HDAC9: variants seen among roughly 807,000 people sequenced by gnomAD.
HDAC9 encodes the protein MEF-2 interacting transcription repressor (MITR) protein.
Under a neutral mutation model 139.4 loss-of-function variants are expected in HDAC9, and 41 were observed. The observed-to-expected ratio is 0.29, with a 90% CI of 0.23 to 0.38. The LOEUF (loss-of-function observed/expected upper bound fraction) is 0.38, where lower values mean the gene tolerates loss of function less well. Among genes scored for constraint, HDAC9 ranks in the 10% least tolerant of loss-of-function variants. The pLI, the probability that HDAC9 is intolerant of heterozygous loss-of-function variation, is 1.00. For synonymous variants in HDAC9, 517 were observed against 476.2 expected, an observed-to-expected ratio of 1.09 and a Z score of -1.12; for missense variants, 1,147 against 1,297.0, an observed-to-expected ratio of 0.88 and a Z score of 1.78.
chr7:18,738,111 G>T (rs1787097718), intron 13 of HDAC9, among the ~76,000 whole-genome samples: 3 of 151,990 alleles, frequency 2.0e-5, no homozygotes, highest in Admixed American at 2.0e-4. Flanking sequence ...CCATTTGCTT[G>T]GTAGATCTTC....
chr7:18,570,240 A>G (rs1254833473), intron 2 of HDAC9, among the ~76,000 whole-genome samples: 2 of 152,180 alleles, frequency 1.3e-5, no homozygotes, highest in African/African-American at 4.8e-5. Flanking sequence ...TTGTATAGCT[A>G]AAAGAAAAGG....
At chr7:18,994,580 AAATAATGAAGACTTAATGATTATCATTC>A (rs574713520) in intron 25 of HDAC9, among the ~76,000 whole-genome samples, 72 of 152,328 alleles carry the variant, frequency 4.7e-4, no homozygotes, top group African/African-American at 1.7e-3. Flanking sequence ...TGGTAACAAT[AAATAATGAAGACTTAATGATTATCATTC>A]TTTATTTTTA....
intron 14 of HDAC9, among the ~76,000 whole-genome samples, chr7:18,753,142 G>T (rs1437550186): frequency 1.3e-5 from 2 of 152,068 alleles, no homozygotes; most frequent in East Asian, 1.9e-4. Context: ...CTTCAAGAAG[G>T]TTACTATATG....
intron 22 of HDAC9, among the ~76,000 whole-genome samples, chr7:18,910,957 C>T (rs560121269): frequency 6.6e-6 from 1 of 151,734 alleles, no homozygotes; most frequent in African/African-American, 2.4e-5. Flanking sequence ...GTAATATTGG[C>T]CTCATAGAAT....
chr7:18,160,082 G>A (rs980995427), intron 1 of HDAC9, among the ~76,000 whole-genome samples: 1 of 152,050 alleles, frequency 6.6e-6, no homozygotes, highest in Non-Finnish European at 1.5e-5. Flanking sequence ...TTGAATTGTT[G>A]GAAATTATTG....
intron 1 of HDAC9, among the ~76,000 whole-genome samples, chr7:18,485,807 G>A (rs1162227971): frequency 6.6e-6 from 1 of 152,012 alleles, no homozygotes; most frequent in Non-Finnish European, 1.5e-5. Flanking sequence ...TATCCAAGTT[G>A]TACAGTCCTG....
At chr7:18,388,906 A>G (rs1055860774) in intron 1 of HDAC9, among the ~76,000 whole-genome samples, 5 of 151,964 alleles carry the variant, frequency 3.3e-5, no homozygotes, top group Non-Finnish European at 7.4e-5. Flanking sequence ...ATTTCTTGAC[A>G]CTCTCATTCC....
At chr7:18,485,738 G>C (rs1795926782) in intron 1 of HDAC9, among the ~76,000 whole-genome samples, 1 of 152,086 alleles carries the variant, frequency 6.6e-6, no homozygotes, top group South Asian at 2.1e-4. Context: ...CTGAAAGGCA[G>C]ATGTTAATAT....
At chr7:18,142,479 A>G (rs1239997029) in intron 1 of HDAC9, among the ~76,000 whole-genome samples, 1 of 152,192 alleles carries the variant, frequency 6.6e-6, no homozygotes. Flanking sequence ...CAGTGCCATG[A>G]CGTCTTATGG....
At chr7:18,579,368 C>T (rs1308918704) in intron 2 of HDAC9, among the ~76,000 whole-genome samples, 1 of 152,112 alleles carries the variant, frequency 6.6e-6, no homozygotes, top group Non-Finnish European at 1.5e-5. Context: ...ATTTTCTGGA[C>T]CCTGAACTGC....
intron 2 of HDAC9, among the ~76,000 whole-genome samples, chr7:18,216,579 T>C (rs1792330730): frequency 6.6e-6 from 1 of 152,206 alleles, no homozygotes; most frequent in South Asian, 2.1e-4. Context: ...CTGCATGTTA[T>C]TTAGCATGCA....
chr7:18,924,681 C>G (rs1229733585), intron 22 of HDAC9, among the ~76,000 whole-genome samples: 1 of 151,976 alleles, frequency 6.6e-6, no homozygotes, highest in Non-Finnish European at 1.5e-5. Context: ...GAATGATCAT[C>G]TGTTTGTGAA....
chr7:18,374,325 C>T (rs1028937069), intron 1 of HDAC9, among the ~76,000 whole-genome samples: 11 of 151,580 alleles, frequency 7.3e-5, no homozygotes, highest in Non-Finnish European at 1.2e-4. Context: ...TACACAGATG[C>T]GTTGTTGACT....
At chr7:18,558,747 AT>A (rs1252790797) in intron 2 of HDAC9, among the ~76,000 whole-genome samples, 1 of 152,238 alleles carries the variant, frequency 6.6e-6, no homozygotes, top group Admixed American at 6.5e-5. Flanking sequence ...ATTAAAAGTC[AT>A]CAAAGCACTT....
intron 1 of HDAC9, among the ~76,000 whole-genome samples, chr7:18,115,008 A>G (rs1359049493): frequency 2.6e-5 from 4 of 152,180 alleles, no homozygotes; most frequent in Non-Finnish European, 5.9e-5. Flanking sequence ...AAAAATTCAT[A>G]TGTCCGGGCA....
chr7:18,933,086 T>C (rs566644079), intron 22 of HDAC9, among the ~76,000 whole-genome samples: 39 of 152,254 alleles, frequency 2.6e-4, no homozygotes, highest in African/African-American at 8.4e-4. Flanking sequence ...ACAGATACCA[T>C]ATTCAACCCC....
intron 16 of HDAC9, among the ~76,000 whole-genome samples, chr7:18,789,281 T>TAAACGCGCGC (rs1792090659): frequency 3.8e-5 from 2 of 52,258 alleles, no homozygotes; most frequent in Non-Finnish European, 9.9e-5. Flanking sequence ...CGCAGACACA[T>TAAACGCGCGC]ACACGCACAC....
chr7:18,371,665 G>A (rs762784413), intron 1 of HDAC9, among the ~76,000 whole-genome samples: 5 of 152,146 alleles, frequency 3.3e-5, no homozygotes, highest in Admixed American at 6.6e-5. Context: ...TTCTGTCACA[G>A]CTATCCATTC....
At chr7:18,131,783 T>C (rs963503338) in intron 1 of HDAC9, among the ~76,000 whole-genome samples, 2 of 152,146 alleles carry the variant, frequency 1.3e-5, no homozygotes, top group Non-Finnish European at 2.9e-5. Flanking sequence ...CACTCCCTCA[T>C]GGAGAGCAGA....
Sources: gnomAD v4.1 joint callset for allele counts (sites outside exome capture counted in the v4.1 genomes callset) on GRCh38, gnomAD v4.1.1 for gene constraint, MANE v1.5 for transcripts, NCBI Gene and HGNC (gene_info 2026-07-23, HGNC 2026-07-21) for gene names.